Variants in RASAL2 observed in about 807,000 individuals in gnomAD.
RASAL2 encodes RAS protein activator like 2.
A neutral mutation model predicts 128.9 loss-of-function variants in RASAL2; 58 were observed. The observed-to-expected ratio is 0.45, with a 90% confidence interval of 0.36 to 0.56. RASAL2 has a LOEUF of 0.56. Among genes scored for constraint, RASAL2 ranks in the 20% least tolerant of loss-of-function variants. The pLI, the probability that RASAL2 is intolerant of heterozygous loss-of-function variation, is 0.00. For synonymous variants in RASAL2, 561 were observed against 580.8 expected, an observed-to-expected ratio of 0.97 and a Z score of 0.49; for missense variants, 1,360 against 1,601.6, an observed-to-expected ratio of 0.85 and a Z score of 2.57.
chr1:178,113,113 C>T (rs1659395714), intron 1 of RASAL2, among the ~76,000 whole-genome samples: 1 of 151,976 alleles, frequency 6.6e-6, no homozygotes, highest in Non-Finnish European at 1.5e-5. Context: ...AAAAAACTAT[C>T]CTTTGAGCAC....
intron 1 of RASAL2, among the ~76,000 whole-genome samples, chr1:178,157,516 T>C (rs533735112): frequency 2.8e-4 from 43 of 152,292 alleles, no homozygotes; most frequent in African/African-American, 1.0e-3. Flanking sequence ...GAGAAATACC[T>C]AATTCTAATT....
chr1:178,461,523 C>G (rs1678198021), intron 14 of RASAL2, among the ~76,000 whole-genome samples: 1 of 151,702 alleles, frequency 6.6e-6, no homozygotes, highest in African/African-American at 2.4e-5. Flanking sequence ...TCTTATTTTC[C>G]TCTCTATTTT....
intron 1 of RASAL2, among the ~76,000 whole-genome samples, chr1:178,162,074 C>T (rs1051220273): frequency 6.6e-6 from 1 of 150,396 alleles, no homozygotes; most frequent in Admixed American, 6.7e-5. Flanking sequence ...ACGCCATTCT[C>T]CTGCCTCAGC....
intron 1 of RASAL2, among the ~76,000 whole-genome samples, chr1:178,202,732 A>T (rs1397944208): frequency 7.2e-5 from 11 of 152,184 alleles, no homozygotes; most frequent in Admixed American, 7.2e-4. Flanking sequence ...TTTGTATCCC[A>T]TGTGGGTGCT....
At chr1:178,318,366 T>G (rs1178023393) in intron 3 of RASAL2, among the ~76,000 whole-genome samples, 1 of 151,168 alleles carries the variant, frequency 6.6e-6, no homozygotes, top group African/African-American at 2.4e-5. Flanking sequence ...TTCTGTCTCG[T>G]TGATCTGTCT....
chr1:178,278,421 G>A (rs1392361935), intron 1 of RASAL2, among the ~76,000 whole-genome samples: 1 of 152,080 alleles, frequency 6.6e-6, no homozygotes, highest in Non-Finnish European at 1.5e-5. Context: ...TCAGGCTTTT[G>A]TTTGAAAGGA....
Position 178,454,485 on chromosome 1 carries a change from A to AT in RASAL2, c.2054dup (p.Leu685PhefsTer4). 1.2e-6 allele frequency: 2 copies of AT among 1,613,486 alleles called. No individual in the cohort carries two copies. Among genetic ancestry groups the AT allele is most frequent in the Non-Finnish European group, 1.7e-6 (2 of 1,179,542 alleles). ...GAGGAATACATGGCATTCATGAATG[A>AT]TTTTTTAGAACATGAATGGGGTGGA... On this transcript the variant is annotated frameshift_variant, in exon 12 of 18. Transcript: ENST00000367649. LOFTEE classifies it high-confidence loss of function.
intron 1 of RASAL2, among the ~76,000 whole-genome samples, chr1:178,144,367 T>G (rs1258468758): frequency 6.6e-6 from 1 of 152,212 alleles, no homozygotes; most frequent in African/African-American, 2.4e-5. Flanking sequence ...CAATTTCCCC[T>G]TTTTAAAAAT....
At chr1:178,409,443 A>T (rs755921845) in intron 4 of RASAL2, among the ~76,000 whole-genome samples, 3 of 152,168 alleles carry the variant, frequency 2.0e-5, no homozygotes, top group Non-Finnish European at 4.4e-5. Flanking sequence ...CCTAGAAGAG[A>T]TCATTCCTAA....
chr1:178,354,068 A>G (rs1670664680), intron 3 of RASAL2, among the ~76,000 whole-genome samples: 1 of 152,244 alleles, frequency 6.6e-6, no homozygotes, highest in African/African-American at 2.4e-5. Flanking sequence ...CCTAGCAATG[A>G]CACATCATGA....
intron 9 of RASAL2, 119 bp from the exon 10 acceptor site, chr1:178,451,452 C>G: frequency 9.0e-7 from 1 of 1,116,002 alleles, no homozygotes; most frequent in Non-Finnish European, 1.2e-6. Flanking sequence ...TGTGCCCTCC[C>G]TGTCAGATCT....
intron 1 of RASAL2, among the ~76,000 whole-genome samples, chr1:178,236,702 C>T (rs1425157572): frequency 6.7e-6 from 1 of 150,156 alleles, no homozygotes; most frequent in Non-Finnish European, 1.5e-5. Flanking sequence ...CTAGGCTTCT[C>T]TAGCTTTTAC....
chr1:178,241,390 G>A (rs1664491293), intron 1 of RASAL2, among the ~76,000 whole-genome samples: 1 of 152,170 alleles, frequency 6.6e-6, no homozygotes, highest in South Asian at 2.1e-4. Context: ...TGTGTTGCTA[G>A]TATATTGTGG....
intron 4 of RASAL2, among the ~76,000 whole-genome samples, chr1:178,398,583 T>C (rs1052670230): frequency 6.6e-6 from 1 of 152,208 alleles, no homozygotes; most frequent in African/African-American, 2.4e-5. Context: ...AAGGATGCTG[T>C]TTTGGCAAAC....
chr1:178,256,717 A>G (rs912374460), intron 1 of RASAL2, among the ~76,000 whole-genome samples: 16 of 152,356 alleles, frequency 1.1e-4, no homozygotes, highest in African/African-American at 3.8e-4. Flanking sequence ...TCTGTCGCCC[A>G]GGCTGGAGTG....
Position 178,330,003 on chromosome 1 carries a change from A to G in RASAL2, c.457+29885A>G, listed in dbSNP as rs578129617. Among the ~76,000 whole-genome samples, 78 of 152,326 alleles carry G rather than the reference A, an allele frequency of 5.1e-4. 2 individuals carry two copies. The South Asian group carries it at 0.016, about 30-fold the overall frequency. Reference sequence around the variant, plus strand: ...TGGTATATATTAGTATTATAAGTTAATAATAAGTATACATTCAGTAAATTT... The same window carrying G: ...TGGTATATATTAGTATTATAAGTTAGTAATAAGTATACATTCAGTAAATTT... On this transcript the variant is annotated intron_variant, in intron 3 of 17. Transcript: ENST00000367649.
At chr1:178,266,796 G>GA (rs769590509) in intron 1 of RASAL2, among the ~76,000 whole-genome samples, 4 of 152,110 alleles carry the variant, frequency 2.6e-5, no homozygotes, top group Non-Finnish European at 5.9e-5. Flanking sequence ...TAGCCTGTGG[G>GA]AAAAAACTGG....
intron 4 of RASAL2, among the ~76,000 whole-genome samples, chr1:178,392,871 G>A (rs1467789762): frequency 1.3e-5 from 2 of 152,188 alleles, no homozygotes; most frequent in African/African-American, 4.8e-5. Context: ...TGAGCTCAAA[G>A]CAGGGAACCC....
At chr1:178,396,985 C>G (rs957404371) in intron 4 of RASAL2, among the ~76,000 whole-genome samples, 34 of 152,016 alleles carry the variant, frequency 2.2e-4, no homozygotes, top group Admixed American at 2.0e-4. Context: ...ACTAGGATGA[C>G]CACAATCAAA....
Sources: gnomAD v4.1 joint callset for allele counts (sites outside exome capture counted in the v4.1 genomes callset) on GRCh38, gnomAD v4.1.1 for gene constraint, MANE v1.5 for transcripts, NCBI Gene and HGNC (gene_info 2026-07-23, HGNC 2026-07-21) for gene names.